The following CLEC16A variants were observed in gnomAD, a reference collection of about 807,000 sequenced individuals.
CLEC16A encodes the protein C-type lectin domain containing 16A.
CLEC16A carries 51 observed loss-of-function variants against 109.5 expected under a neutral mutation model. The ratio of observed to expected loss-of-function variants is 0.47; its 90% confidence interval spans 0.37 to 0.59. The LOEUF is 0.59. Ranked by LOEUF, CLEC16A falls within the 20% of genes least tolerant of loss-of-function variation. The pLI, the probability that CLEC16A is intolerant of heterozygous loss-of-function variation, is 0.00. For synonymous variants in CLEC16A, 673 were observed against 564.2 expected (o/e 1.19, Z -2.73); for missense variants, 1,339 against 1,394.0 (o/e 0.96, Z 0.63).
chr16:11,132,383 A>G (rs576481897), intron 22 of CLEC16A, among the ~76,000 whole-genome samples: 3 of 152,156 alleles, frequency 2.0e-5, no homozygotes, highest in African/African-American at 7.2e-5. Context: ...CATGTTTTCA[A>G]GGTGCATCTA....
At chr16:10,994,318 C>G (rs114236737) in intron 10 of CLEC16A, among the ~76,000 whole-genome samples, 1 of 152,212 alleles carries the variant, frequency 6.6e-6, no homozygotes, top group Non-Finnish European at 1.5e-5. Context: ...TTTGGTTCCA[C>G]AGCTCCACGC....
At chr16:11,082,130 T>C (rs188570070) in intron 19 of CLEC16A, among the ~76,000 whole-genome samples, 228 of 152,326 alleles carry the variant, frequency 1.5e-3, no homozygotes, top group African/African-American at 5.3e-3. Flanking sequence ...TTCGTGCATG[T>C]CTCCCTTGAT....
intron 13 of CLEC16A, among the ~76,000 whole-genome samples, chr16:11,035,243 G>A (rs188771320): frequency 4.9e-4 from 74 of 152,298 alleles, no homozygotes; most frequent in African/African-American, 1.6e-3. Flanking sequence ...CATGTTTTCT[G>A]TGTGGGTGAT....
At chr16:11,056,153 TAGGGGGACCTGAGAGAAGC>T (rs946450668) in intron 18 of CLEC16A, among the ~76,000 whole-genome samples, 1 of 152,146 alleles carries the variant, frequency 6.6e-6, no homozygotes, top group African/African-American at 2.4e-5. Context: ...ATCCCACATG[TAGGGGGACCTGAGAGAAGC>T]AGTGAAGAAG....
Position 11,003,202 on chromosome 16 carries a change from A to C in CLEC16A, c.1200A>C (p.Glu400Asp), listed in dbSNP as rs1007156592. The C allele has an allele frequency of 3.1e-6, 5 of 1,613,482 alleles. No individual in the cohort carries two copies. Among genetic ancestry groups the C allele is most frequent in the Admixed American group, 3.3e-5 (2 of 59,972 alleles). Reference sequence around the variant, plus strand: ...ACTACAAAAACGTTGGGGAAGAAGAAGATGAGGAGAAAGGGCCCACCGAGG... The same window carrying C: ...ACTACAAAAACGTTGGGGAAGAAGACGATGAGGAGAAAGGGCCCACCGAGG... ...RPNYKNVGEE[E>D]DEEKGPTEDA... The change falls in exon 11 of 24, where the codon GAA (glutamate) becomes GAC (aspartate). Residue 400 changes from glutamate to aspartate, a missense_variant. This residue lies in a region of CLEC16A where 1,061 missense variants were observed against 1,006.8 expected (regional missense o/e 1.05). Coordinates refer to ENST00000409790, the MANE Select transcript of CLEC16A (RefSeq NM_015226.3).
At chr16:11,076,789 G>A (rs1420953090) in intron 19 of CLEC16A, among the ~76,000 whole-genome samples, 3 of 152,172 alleles carry the variant, frequency 2.0e-5, no homozygotes, top group African/African-American at 4.8e-5. Context: ...TTGCCCCAGA[G>A]TCTGGCCCAG....
At chr16:11,164,139 T>C (rs1249799482) in intron 22 of CLEC16A, among the ~76,000 whole-genome samples, 1 of 152,064 alleles carries the variant, frequency 6.6e-6, no homozygotes, top group Non-Finnish European at 1.5e-5. Flanking sequence ...TCCAGCTACA[T>C]TCATCCTGCC....
chr16:10,962,411 A>T (rs200934837), intron 2 of CLEC16A, 44 bp from the exon 3 acceptor site: 2 of 1,612,604 alleles, frequency 1.2e-6, no homozygotes, highest in Non-Finnish European at 8.5e-7. Flanking sequence ...TTCTGTTTCC[A>T]CATGTGGAAG....
intron 19 of CLEC16A, among the ~76,000 whole-genome samples, chr16:11,073,834 A>C (rs2049202898): frequency 6.6e-6 from 1 of 152,250 alleles, no homozygotes; most frequent in Non-Finnish European, 1.5e-5. Context: ...TGAACTGATT[A>C]AAGCTTTAGC....
intron 19 of CLEC16A, among the ~76,000 whole-genome samples, chr16:11,108,337 A>C (rs1394202889): frequency 6.6e-6 from 1 of 152,264 alleles, no homozygotes; most frequent in Non-Finnish European, 1.5e-5. Flanking sequence ...CGAAGGGGCC[A>C]CCAAGTGCCC....
chr16:11,055,054 C>G (rs1346193415), intron 18 of CLEC16A, among the ~76,000 whole-genome samples: 1 of 151,600 alleles, frequency 6.6e-6, no homozygotes, highest in Non-Finnish European at 1.5e-5. Flanking sequence ...CCTGGCAAAT[C>G]ATTCCTAAAT....
intron 19 of CLEC16A, among the ~76,000 whole-genome samples, chr16:11,074,057 C>A (rs7192790): frequency 0.27 from 40,469 of 152,122 alleles, 6,321 homozygotes; most frequent in African/African-American, 0.44. Flanking sequence ...CCCATCTTGG[C>A]ATTTTCTAAA....
rs759968559 is a variant in CLEC16A, at chr16:11,020,252, G to A, written c.1363G>A (p.Val455Met). Residue 455 changes from valine (V) to methionine (M), a missense_variant, in exon 12 of 24, where the codon GTG becomes ATG. By Grantham distance (21) the Val-to-Met change is conservative. Transcript: ENST00000409790. ...KLSELAASTS[V>M]QEQNTTDEEK... ...CTCAGAGCTGGCCGCCAGCACCTCC[G>A]TGCAGGAGCAGAACACCACGGACGA... is the stretch of plus-strand genomic sequence containing the variant. The A allele has an allele frequency of 1.2e-5, 19 of 1,613,832 alleles. No individual in the cohort carries two copies. Among genetic ancestry groups the A allele is most frequent in the Middle Eastern group, 1.6e-4 (1 of 6,062 alleles).
chr16:11,016,436 C>A (rs2045756845), intron 11 of CLEC16A, among the ~76,000 whole-genome samples: 1 of 151,794 alleles, frequency 6.6e-6, no homozygotes, highest in Non-Finnish European at 1.5e-5. Context: ...GCAACCCCCA[C>A]CCCCTGGGTT....
At chr16:10,963,064 AAC>A (rs2042330301) in intron 3 of CLEC16A, among the ~76,000 whole-genome samples, 1 of 149,542 alleles carries the variant, frequency 6.7e-6, no homozygotes. Flanking sequence ...CTCCAACAAC[AAC>A]AAAAAAAAAA....
intron 1 of CLEC16A, among the ~76,000 whole-genome samples, chr16:10,945,212 C>T (rs1003506330): frequency 6.6e-6 from 1 of 152,200 alleles, no homozygotes; most frequent in African/African-American, 2.4e-5. Context: ...ATGTAGGCCT[C>T]AGGTTCCCCA....
intron 22 of CLEC16A, among the ~76,000 whole-genome samples, chr16:11,130,360 G>A (rs2053122199): frequency 1.3e-5 from 2 of 152,186 alleles, no homozygotes; most frequent in South Asian, 2.1e-4. Context: ...TGGTGGTTTA[G>A]TCCATGGAAC....
At chr16:11,031,879 C>T (rs2046760263) in intron 13 of CLEC16A, among the ~76,000 whole-genome samples, 1 of 152,198 alleles carries the variant, frequency 6.6e-6, no homozygotes, top group African/African-American at 2.4e-5. Context: ...GAATAGCTTG[C>T]AGTTTCTGAT....
At chr16:11,087,078 C>T (rs1251071962) in intron 19 of CLEC16A, among the ~76,000 whole-genome samples, 1 of 152,244 alleles carries the variant, frequency 6.6e-6, no homozygotes, top group Non-Finnish European at 1.5e-5. Context: ...CAAACCTAAA[C>T]CCGTGAAATC....
Sources: allele counts gnomAD v4.1 joint callset (sites outside exome capture counted in the v4.1 genomes callset), GRCh38; gene constraint gnomAD v4.1.1; regional missense constraint gnomAD v4.1.1; transcripts MANE v1.5; gene names NCBI Gene and HGNC (gene_info 2026-07-23, HGNC 2026-07-21).